Variants in CHST12 observed in about 807,000 individuals in gnomAD.
The protein encoded by CHST12 is carbohydrate (chondroitin 4) sulfotransferase 12.
CHST12 carries 23 observed loss-of-function variants against 27.9 expected under a neutral mutation model. The observed-to-expected ratio is 0.82, with a 90% CI of 0.59 to 1.17. The LOEUF (loss-of-function observed/expected upper bound fraction) is 1.17. Ranked by LOEUF, CHST12 falls within the 50% of genes most tolerant of loss-of-function variation. The probability of loss-of-function intolerance (pLI) is 0.00; values close to 1 mark genes in which losing one functional copy is unlikely to be tolerated. For synonymous variants in CHST12, 322 were observed against 273.0 expected, an observed-to-expected ratio of 1.18 and a Z score of -1.77; for missense variants, 682 against 603.0, an observed-to-expected ratio of 1.13 and a Z score of -1.37.
Position 2,433,684 on chromosome 7 carries a change from G to A in CHST12, c.1045G>A (p.Ala349Thr), listed in dbSNP as rs776736248. ...VGKLETLDED[A>T]AQLLQLLQVD... is the part of the protein sequence containing the mutation. Reference sequence around the variant, plus strand: ...GAAGCTGGAGACTCTGGACGAGGACGCCGCGCAGCTGCTGCAGCTACTCCA... The same window carrying A: ...GAAGCTGGAGACTCTGGACGAGGACACCGCGCAGCTGCTGCAGCTACTCCA... The change falls in exon 2 of 2, where the codon GCC becomes ACC. Residue 349 changes from alanine (A) to threonine (T), a missense_variant. Physicochemically the swap from Ala to Thr is moderately conservative, Grantham distance 58. Coordinates refer to ENST00000618655, the MANE Select transcript of CHST12 (RefSeq NM_018641.5). This position sits in a 1 kb window ranked among gnomAD's most constrained non-coding sequence, Gnocchi z 6.1. The A allele has an allele frequency of 8.7e-6, 14 of 1,613,318 alleles. No homozygotes were observed. The highest frequency in any genetic ancestry group is 1.1e-5 in the South Asian group (1 of 91,054).
Position 2,442,820 on chromosome 7 carries a change from G to A in CHST12, c.*8936G>A, listed in dbSNP as rs55695235. On this transcript the variant is annotated 3_prime_UTR_variant, in exon 2 of 2. Coordinates refer to ENST00000618655, the MANE Select transcript of CHST12 (RefSeq NM_018641.5). Reference sequence around the variant, plus strand: ...GAGCCCCGCCTCCCGTCAGATCAGCGGCGGCATTAGATTCTCATAGGAGCG... The same window carrying A: ...GAGCCCCGCCTCCCGTCAGATCAGCAGCGGCATTAGATTCTCATAGGAGCG... The A allele has an allele frequency of 0.031, 4,757 of 152,760 alleles. 115 individuals carry two copies. Among genetic ancestry groups the A allele is most frequent in the Middle Eastern group, 0.04 (12 of 298 alleles). The allele number at this position is 152,760 out of a possible 1,614,324, so 9.5% of individuals were successfully genotyped here. A position where few individuals can be genotyped will look rare whatever the true frequency, so the allele number is the denominator to read the frequency against.
chr7:2,427,761 AT>A (rs1782164256), intron 1 of CHST12, among the ~76,000 whole-genome samples: 1 of 152,046 alleles, frequency 6.6e-6, no homozygotes, highest in South Asian at 2.1e-4. Context: ...TACATGGTTG[AT>A]TTTTGAACAT....
chr7:2,409,229 G>A (rs1246929120), intron 1 of CHST12, among the ~76,000 whole-genome samples: 9 of 152,138 alleles, frequency 5.9e-5, no homozygotes, highest in East Asian at 1.9e-4. Flanking sequence ...CTGCATTTTC[G>A]CCTGTCGCCT....
Position 2,436,211 on chromosome 7 carries a change from T to C in CHST12, c.*2327T>C, listed in dbSNP as rs1782469783. 1 of 152,254 alleles carries C rather than the reference T, an allele frequency of 6.6e-6. No individual in the cohort carries two copies. The highest frequency in any genetic ancestry group is 1.5e-5 in the Non-Finnish European group (1 of 68,050). 9.4% of individuals were successfully genotyped at this position (152,254 alleles called of 1,614,324 possible). A position where few individuals can be genotyped will look rare whatever the true frequency, so the allele number is the denominator to read the frequency against. On this transcript the variant is annotated 3_prime_UTR_variant, in exon 2 of 2. Transcript: ENST00000618655. ...TTGTGTGGCATTAAGCACATTCGTA[T>C]TGTCGTGCCACCACCACCATCATCT... is the stretch of plus-strand genomic sequence containing the variant.
chr7:2,431,349 A>T (rs1313333281), intron 1 of CHST12, among the ~76,000 whole-genome samples: 1 of 152,138 alleles, frequency 6.6e-6, no homozygotes, highest in African/African-American at 2.4e-5. Flanking sequence ...AATGTTTTCC[A>T]TTCCCGGGAG....
chr7:2,406,457 GGGGTGGGGGC>G (rs1781526744), intron 1 of CHST12, among the ~76,000 whole-genome samples: 2 of 67,592 alleles, frequency 3.0e-5, no homozygotes, highest in Admixed American at 2.9e-4. Flanking sequence ...AGTTGAGTAC[GGGGTGGGGGC>G]ACAGTTGAGT....
At chr7:2,430,143 C>G (rs981797513) in intron 1 of CHST12, among the ~76,000 whole-genome samples, 6 of 152,008 alleles carry the variant, frequency 3.9e-5, no homozygotes, top group Non-Finnish European at 8.8e-5. Flanking sequence ...TATTTTCATT[C>G]TCATTCTATT....
rs569355635 is a variant in CHST12 at position 2,431,882 on chromosome 7, C to T, written c.-77-681C>T. Among the ~76,000 whole-genome samples the T allele has an allele frequency of 2.0e-5, 3 of 152,024 alleles. No homozygotes were observed. The South Asian group carries it at 6.2e-4, about 32-fold the overall frequency. On this transcript the variant is annotated intron_variant, in intron 1 of 1. Transcript: ENST00000618655. ...GAAGTTAAGGAATGGTTCCCAAGACCCCTCTTACTTATGACACCAATAGCA... is the reference window on the plus strand; with the variant it reads ...GAAGTTAAGGAATGGTTCCCAAGACTCCTCTTACTTATGACACCAATAGCA...
rs1484191193 is a variant in CHST12, at chr7:2,446,306, G to A, written c.*12422G>A. On this transcript the variant is annotated 3_prime_UTR_variant, in exon 2 of 2. Coordinates refer to ENST00000618655, the MANE Select transcript of CHST12 (RefSeq NM_018641.5). ...GAGCGCCAGCCGCAGTCTGGGGGACGGGAGCCTCGTGCGACTCTCGGAGTG... is the reference window on the plus strand; with the variant it reads ...GAGCGCCAGCCGCAGTCTGGGGGACAGGAGCCTCGTGCGACTCTCGGAGTG... 2.6e-5 allele frequency: 4 copies of A among 152,728 alleles called. No homozygotes were observed. Among genetic ancestry groups the A allele is most frequent in the East Asian group, 1.9e-4 (1 of 5,190 alleles). The allele number at this position is 152,728 out of a possible 1,614,324, so 9.5% of individuals were successfully genotyped here.
intron 1 of CHST12, among the ~76,000 whole-genome samples, chr7:2,426,180 T>G (rs1229333900): frequency 6.6e-6 from 1 of 152,172 alleles, no homozygotes; most frequent in East Asian, 1.9e-4. Context: ...ACCAACGTCC[T>G]TAGCAAGAAG....
At chr7:2,426,329 A>C (rs1003272457) in intron 1 of CHST12, among the ~76,000 whole-genome samples, 1 of 152,140 alleles carries the variant, frequency 6.6e-6, no homozygotes, top group African/African-American at 2.4e-5. Context: ...TATTGACTGC[A>C]CCCTACCATG....
chr7:2,415,363 C>T (rs1781775693), intron 1 of CHST12, among the ~76,000 whole-genome samples: 1 of 136,748 alleles, frequency 7.3e-6, no homozygotes, highest in Non-Finnish European at 1.5e-5. Context: ...GAAACTCTGC[C>T]TCAAAAAAAA....
rs1782406395 is a variant in CHST12 at position 2,434,144 on chromosome 7, C to CCCGCTCT, written c.*260_*261insCCGCTCT. ...CGCCCGCTCGCCCGCTCGCCCGCTC[C>CCCGCTCT]TGTGGTTTTTCTGAGCGTGCGGGCG... is the stretch of plus-strand genomic sequence containing the variant. On this transcript the variant is annotated 3_prime_UTR_variant, in exon 2 of 2. Coordinates refer to ENST00000618655, the MANE Select transcript of CHST12 (RefSeq NM_018641.5). 4 of 300,608 alleles carry CCCGCTCT rather than the reference C, an allele frequency of 1.3e-5. No individual in the cohort carries two copies. In the East Asian group the frequency reaches 2.2e-4, roughly 17 times the overall value. The allele number at this position is 300,608 out of a possible 1,614,324, so 18.6% of individuals were successfully genotyped here. A position where few individuals can be genotyped will look rare whatever the true frequency, so the allele number is the denominator to read the frequency against.
chr7:2,428,018 G>A (rs544583009), intron 1 of CHST12, among the ~76,000 whole-genome samples: 47 of 151,856 alleles, frequency 3.1e-4, no homozygotes, highest in Non-Finnish European at 4.3e-4. Context: ...GGGTTTCACC[G>A]TGTTTGGATC....
Position 2,433,641 on chromosome 7 carries a change from C to T in CHST12, c.1002C>T (p.Ile334=), listed in dbSNP as rs755697079. 1.9e-6 allele frequency: 3 copies of T among 1,613,752 alleles called. No individual in the cohort carries two copies. The highest frequency in any genetic ancestry group is 1.1e-5 in the South Asian group (1 of 91,086). The change falls in exon 2 of 2, where the codon ATC becomes ATT. Residue 334 remains isoleucine (I), a synonymous_variant. Coordinates refer to ENST00000618655, the MANE Select transcript of CHST12 (RefSeq NM_018641.5). This position sits in a 1 kb window ranked among gnomAD's most constrained non-coding sequence, Gnocchi z 6.1. ...ACCGCCTCTGCCACCCGTGCCAGATCGACTACGACTTCGTGGGGAAGCTGG... is the reference window on the plus strand; with the variant it reads ...ACCGCCTCTGCCACCCGTGCCAGATTGACTACGACTTCGTGGGGAAGCTGG... The part of the protein sequence containing the change: ...QVYRLCHPCQ[I]DYDFVGKLET...
At chr7:2,405,473 C>G (rs555356618) in intron 1 of CHST12, among the ~76,000 whole-genome samples, 1 of 152,194 alleles carries the variant, frequency 6.6e-6, no homozygotes, top group East Asian at 1.9e-4. Flanking sequence ...GTGCAGGGGC[C>G]TGAATGCTGT....
chr7:2,425,314 A>T (rs1782083988), intron 1 of CHST12, among the ~76,000 whole-genome samples: 3 of 151,912 alleles, frequency 2.0e-5, no homozygotes, highest in Admixed American at 2.0e-4. Context: ...GGACACAACC[A>T]CAGTGCAGAC....
At position 2,433,723 on chromosome 7, in the gene CHST12, C is replaced by T; in HGVS notation, c.1084C>T (p.Leu362Phe). Residue 362 changes from leucine to phenylalanine, a missense_variant, in exon 2 of 2, where the codon CTC becomes TTC. Leu to Phe is a conservative substitution (Grantham distance 22). Transcript: ENST00000618655. This position sits in a 1 kb window ranked among gnomAD's most constrained non-coding sequence, Gnocchi z 6.1. ...LLQLLQVDRQ[L>F]RFPPSYRNRT... is the part of the protein sequence containing the mutation. ...GCAGCTACTCCAGGTGGACCGGCAGCTCCGCTTCCCCCCGAGCTACCGGAA... is the reference window on the plus strand; with the variant it reads ...GCAGCTACTCCAGGTGGACCGGCAGTTCCGCTTCCCCCCGAGCTACCGGAA... The T allele has an allele frequency of 1.2e-6, 2 of 1,613,536 alleles. No individual in the cohort carries two copies. Among genetic ancestry groups the T allele is most frequent in the Non-Finnish European group, 1.7e-6 (2 of 1,179,916 alleles).
intron 1 of CHST12, among the ~76,000 whole-genome samples, chr7:2,415,435 A>T (rs913709693): frequency 9.2e-5 from 14 of 152,166 alleles, no homozygotes; most frequent in Admixed American, 9.2e-4. Flanking sequence ...ATTATGTCTA[A>T]GAAACAATGT....
Sources: allele counts gnomAD v4.1 joint callset (sites outside exome capture counted in the v4.1 genomes callset), GRCh38; gene constraint gnomAD v4.1.1; non-coding constraint Gnocchi (gnomAD v3.1); transcripts MANE v1.5; gene names NCBI Gene and HGNC (gene_info 2026-07-23, HGNC 2026-07-21).